IMPG1: variants seen among roughly 807,000 people sequenced by gnomAD.
IMPG1 encodes interphotoreceptor matrix proteoglycan of 150 kDa.
A neutral mutation model predicts 92.0 loss-of-function variants in IMPG1; 85 were observed. The ratio of observed to expected loss-of-function variants is 0.92; its 90% confidence interval spans 0.78 to 1.11. The LOEUF (loss-of-function observed/expected upper bound fraction) is 1.11. IMPG1 is among the 50% of genes least tolerant of loss of function. The pLI is 0.00. For missense variants in IMPG1, 1,022 were observed against 956.0 expected (o/e 1.07, Z -0.91); for synonymous variants, 367 against 334.1 (o/e 1.10, Z -1.08).
At chr6:75,997,568 G>A (rs1782923636) in intron 12 of IMPG1, among the ~76,000 whole-genome samples, 1 of 152,188 alleles carries the variant, frequency 6.6e-6, no homozygotes, top group Non-Finnish European at 1.5e-5. Flanking sequence ...TTTGATGAAA[G>A]TATTTACCAA....
intron 2 of IMPG1, 103 bp from the exon 3 acceptor site, chr6:76,034,890 C>T: frequency 1.1e-6 from 1 of 950,874 alleles, no homozygotes; most frequent in Non-Finnish European, 1.6e-6. Flanking sequence ...CTTATGTCGA[C>T]ACACTAATTT....
intron 6 of IMPG1, among the ~76,000 whole-genome samples, chr6:76,021,029 T>C (rs1015618750): frequency 2.0e-5 from 3 of 152,200 alleles, no homozygotes; most frequent in African/African-American, 7.2e-5. Flanking sequence ...CTCCAAATCC[T>C]GAAGAGAATA....
At chr6:76,032,236 G>T (rs1396282089) in intron 4 of IMPG1, among the ~76,000 whole-genome samples, 1 of 151,806 alleles carries the variant, frequency 6.6e-6, no homozygotes, top group Non-Finnish European at 1.5e-5. Context: ...ATTTTTAATG[G>T]TTGTCTGTCA....
chr6:75,927,828 A>G (rs1781584194), intron 15 of IMPG1, among the ~76,000 whole-genome samples: 1 of 145,010 alleles, frequency 6.9e-6, no homozygotes, highest in African/African-American at 2.5e-5. Flanking sequence ...ATTTCATTCC[A>G]TTAGTCTAAG....
chr6:75,982,557 CTATCTATA>C (rs902630586), intron 12 of IMPG1, among the ~76,000 whole-genome samples: 14 of 149,302 alleles, frequency 9.4e-5, no homozygotes, highest in African/African-American at 3.4e-4. Flanking sequence ...ATCTATCTAT[CTATCTATA>C]TATCTATATA....
At chr6:75,993,551 T>C (rs929358947) in intron 12 of IMPG1, among the ~76,000 whole-genome samples, 1 of 152,084 alleles carries the variant, frequency 6.6e-6, no homozygotes, top group Non-Finnish European at 1.5e-5. Flanking sequence ...AAATCATCCC[T>C]CTTTTGTCTC....
chr6:76,022,548 A>G (rs1783451024), intron 5 of IMPG1, among the ~76,000 whole-genome samples: 1 of 152,128 alleles, frequency 6.6e-6, no homozygotes, highest in Admixed American at 6.6e-5. Context: ...TTTACCTTGA[A>G]TTTGCTCTTC....
At chr6:76,050,258 G>T (rs1221734605) in intron 1 of IMPG1, among the ~76,000 whole-genome samples, 1 of 152,014 alleles carries the variant, frequency 6.6e-6, no homozygotes, top group Non-Finnish European at 1.5e-5. Context: ...TGGCCAACAT[G>T]GTGAAAACCC....
chr6:75,931,467 T>C (rs935033026), intron 14 of IMPG1, among the ~76,000 whole-genome samples: 1 of 152,200 alleles, frequency 6.6e-6, no homozygotes, highest in Non-Finnish European at 1.5e-5. Context: ...CAGCGTGGAA[T>C]GGGGACTGAG....
chr6:76,068,361 C>T (rs933964877), intron 1 of IMPG1, among the ~76,000 whole-genome samples: 2 of 151,954 alleles, frequency 1.3e-5, no homozygotes, highest in African/African-American at 4.8e-5. Flanking sequence ...AAAATCAGCC[C>T]ATAATATCAG....
chr6:76,041,048 A>T (rs1031226570), intron 2 of IMPG1, among the ~76,000 whole-genome samples: 1 of 152,238 alleles, frequency 6.6e-6, no homozygotes, highest in Non-Finnish European at 1.5e-5. Context: ...TTTCGCATGT[A>T]AGATAAATTG....
At chr6:76,047,523 T>C (rs1254892122) in intron 1 of IMPG1, among the ~76,000 whole-genome samples, 3 of 152,218 alleles carry the variant, frequency 2.0e-5, no homozygotes, top group Non-Finnish European at 1.5e-5. Flanking sequence ...CTTTGTCCTG[T>C]CTTGAATACT....
At chr6:75,941,449 G>T (rs1207624952) in intron 14 of IMPG1, among the ~76,000 whole-genome samples, 2 of 152,220 alleles carry the variant, frequency 1.3e-5, no homozygotes, top group Non-Finnish European at 2.9e-5. Flanking sequence ...GCCTGCTTTT[G>T]TACAACAGGC....
At chr6:76,052,949 G>T (rs2127596406) in intron 1 of IMPG1, among the ~76,000 whole-genome samples, 1 of 152,212 alleles carries the variant, frequency 6.6e-6, no homozygotes, top group East Asian at 1.9e-4. Context: ...TTCAGGGGCT[G>T]ACACAAATAA....
At chr6:76,057,354 G>A (rs1784136954) in intron 1 of IMPG1, among the ~76,000 whole-genome samples, 2 of 152,146 alleles carry the variant, frequency 1.3e-5, no homozygotes, top group African/African-American at 4.8e-5. Flanking sequence ...TATGCAATGT[G>A]ATGAGGCATG....
chr6:76,019,649 G>T (rs927881464), intron 6 of IMPG1, among the ~76,000 whole-genome samples: 1 of 152,196 alleles, frequency 6.6e-6, no homozygotes, highest in Admixed American at 6.5e-5. Context: ...ACATTTAAAA[G>T]ACTTCTGATG....
At chr6:76,009,554 T>C (rs1003460478) in intron 8 of IMPG1, among the ~76,000 whole-genome samples, 4 of 152,334 alleles carry the variant, frequency 2.6e-5, no homozygotes, top group African/African-American at 7.2e-5. Context: ...CATGAGCACA[T>C]TATTTATTGT....
At chr6:75,948,409 T>G (rs1459114705) in intron 13 of IMPG1, among the ~76,000 whole-genome samples, 1 of 152,110 alleles carries the variant, frequency 6.6e-6, no homozygotes, top group African/African-American at 2.4e-5. Context: ...CCAGAAAGCA[T>G]AGAGATGCAA....
At chr6:76,044,016 G>A (rs1012883086) in intron 1 of IMPG1, among the ~76,000 whole-genome samples, 1 of 152,208 alleles carries the variant, frequency 6.6e-6, no homozygotes, top group Non-Finnish European at 1.5e-5. Flanking sequence ...CTATCGGCTT[G>A]ATCTGAATAA....
Sources: allele counts gnomAD v4.1 joint callset (sites outside exome capture counted in the v4.1 genomes callset), GRCh38; gene constraint gnomAD v4.1.1; transcripts MANE v1.5; gene names NCBI Gene and HGNC (gene_info 2026-07-23, HGNC 2026-07-21).